The following GOLGA4 variants were observed in gnomAD, a reference collection of about 807,000 sequenced individuals.
GOLGA4 encodes golgin subfamily A member 4.
GOLGA4 carries 169 observed loss-of-function variants against 265.9 expected under a neutral mutation model. The ratio of observed to expected loss-of-function variants is 0.64; its 90% CI spans 0.56 to 0.72. The LOEUF (loss-of-function observed/expected upper bound fraction) is 0.72, where lower values mean the gene tolerates loss of function less well. Ranked by LOEUF, GOLGA4 falls within the 30% of genes least tolerant of loss-of-function variation. The pLI is 0.00. For synonymous variants in GOLGA4, 923 were observed against 855.8 expected (o/e 1.08, Z -1.37); for missense variants, 2,482 against 2,483.4 (o/e 1.00, Z 0.01).
chr3:37,329,040 G>A lies in GOLGA4; in HGVS notation c.6139G>A (p.Glu2047Lys). Residue 2047 changes from glutamate (E) to lysine (K), a missense_variant, in exon 16 of 24, where the codon GAG becomes AAG. By Grantham distance (56) the Glu-to-Lys change is moderately conservative (BLOSUM62 1). Coordinates refer to ENST00000361924, the MANE Select transcript of GOLGA4 (RefSeq NM_002078.5). ...ETNQLLKKIA[E>K]KDDDLKRTAK... ...AAATCAGTTACTTAAAAAAATTGCT[G>A]AGAAAGATGATGATCTAAAACGAAC... 5.6e-6 allele frequency: 9 copies of A among 1,611,414 alleles called. No homozygotes were observed. Among genetic ancestry groups the A allele is most frequent in the Non-Finnish European group, 7.6e-6 (9 of 1,178,672 alleles).
At chr3:37,296,265 G>A (rs1267464105) in intron 7 of GOLGA4, 46 bp downstream of exon 7, 1 of 1,593,526 alleles carries the variant, frequency 6.3e-7, no homozygotes, top group South Asian at 1.1e-5. Context: ...CTAGAGGAGA[G>A]CCAGGCTCCT....
chr3:37,268,481 C>A (rs1442245082), intron 2 of GOLGA4, among the ~76,000 whole-genome samples: 2 of 151,680 alleles, frequency 1.3e-5, no homozygotes, highest in Non-Finnish European at 2.9e-5. Context: ...TCTCCTAGGG[C>A]CACTTCCATA....
At chr3:37,266,858 T>C in intron 2 of GOLGA4, 1 of 1,283,714 alleles carries the variant, frequency 7.8e-7, no homozygotes, top group Non-Finnish European at 1.0e-6. Flanking sequence ...GCCGGGATGA[T>C]AGCAGAGCCT....
Position 37,243,704 on chromosome 3 carries a change from G to GA in GOLGA4, c.72+84dup, listed in dbSNP as rs3215223. Reference sequence around the variant, plus strand: ...GGACGAAAGAGGCGGGGGGAGTGGGGAAGTTCTTCCGTGACCTTTAACCCC... The same window carrying GA: ...GGACGAAAGAGGCGGGGGGAGTGGGGAAAGTTCTTCCGTGACCTTTAACCCC... On this transcript the variant is annotated intron_variant, in intron 1 of 23. Transcript: ENST00000361924. 2.3e-3 allele frequency: 2,719 copies of GA among 1,192,558 alleles called. 42 individuals carry two copies. The highest frequency in any genetic ancestry group is 3.9e-3 in the East Asian group (160 of 40,658). The allele number at this position is 1,192,558 out of a possible 1,614,324, so 73.9% of individuals were successfully genotyped here.
chr3:37,288,643 A>G (rs1559386196), intron 4 of GOLGA4, among the ~76,000 whole-genome samples: 1 of 150,458 alleles, frequency 6.6e-6, no homozygotes, highest in African/African-American at 2.4e-5. Flanking sequence ...CGCCTGGCTG[A>G]TTTTTTTTGT....
intron 16 of GOLGA4, among the ~76,000 whole-genome samples, chr3:37,332,229 T>G (rs1368147286): frequency 6.6e-6 from 1 of 152,272 alleles, no homozygotes; most frequent in East Asian, 1.9e-4. Flanking sequence ...TGTTCTTCAC[T>G]GTGTGTTTCC....
At chr3:37,313,889 T>C (rs2096929782) in intron 10 of GOLGA4, among the ~76,000 whole-genome samples, 1 of 152,130 alleles carries the variant, frequency 6.6e-6, no homozygotes, top group Admixed American at 6.5e-5. Flanking sequence ...TTTTGCACCA[T>C]TGTGAAGTTG....
Position 37,255,525 on chromosome 3 carries a change from T to G in GOLGA4, c.162+4041T>G, listed in dbSNP as rs1013583546. ...CAAACAAAGACAGATTTATTTGGGT[T>G]TATATACAGTATTTACCAACACAGG... On this transcript the variant is annotated intron_variant, in intron 2 of 23. Coordinates refer to ENST00000361924, the MANE Select transcript of GOLGA4 (RefSeq NM_002078.5). Among the ~76,000 whole-genome samples, 4 of 152,038 alleles carry G rather than the reference T, an allele frequency of 2.6e-5. No individual in the cohort carries two copies. The East Asian group carries it at 5.8e-4, about 22-fold the overall frequency.
At chr3:37,243,763 A>T (rs1254258626) in intron 1 of GOLGA4, 141 bp downstream of exon 1, 2 of 671,122 alleles carry the variant, frequency 3.0e-6, no homozygotes, top group Non-Finnish European at 5.1e-6. Context: ...CGGACCCAGA[A>T]GGAGCTCCGG....
chr3:37,358,583 C>T (rs2097096329), intron 22 of GOLGA4, among the ~76,000 whole-genome samples: 1 of 152,132 alleles, frequency 6.6e-6, no homozygotes, highest in Non-Finnish European at 1.5e-5. Context: ...ACAAGACTAA[C>T]ATAATCTTGT....
chr3:37,328,958 A>G lies in GOLGA4; in HGVS notation c.6062-5A>G, dbSNP rs1038242326. 2 of 1,570,820 alleles carry G rather than the reference A, an allele frequency of 1.3e-6. No homozygotes were observed. Among genetic ancestry groups the G allele is most frequent in the Non-Finnish European group, 1.7e-6 (2 of 1,165,340 alleles). On this transcript the variant is annotated splice_polypyrimidine_tract_variant and splice_region_variant and intron_variant, in intron 15 of 23. Coordinates refer to ENST00000361924, the MANE Select transcript of GOLGA4 (RefSeq NM_002078.5). ...TTCTTGTGTGTGTTCATTTTTATTT[A>G]TTAGATAAGGCCCAGGAGGTGGAGG...
intron 2 of GOLGA4, among the ~76,000 whole-genome samples, chr3:37,279,823 C>G (rs975091731): frequency 6.6e-6 from 1 of 151,876 alleles, no homozygotes; most frequent in Non-Finnish European, 1.5e-5. Flanking sequence ...ACGGGAATCA[C>G]TTGAACCCGG....
At chr3:37,290,793 G>A (rs1178593549) in intron 5 of GOLGA4, among the ~76,000 whole-genome samples, 1 of 152,162 alleles carries the variant, frequency 6.6e-6, no homozygotes, top group African/African-American at 2.4e-5. Flanking sequence ...CAACAAAGGG[G>A]TTGTAGGAAG....
intron 3 of GOLGA4, 57 bp downstream of exon 3, chr3:37,282,329 A>G: frequency 8.2e-7 from 1 of 1,215,152 alleles, no homozygotes; most frequent in Non-Finnish European, 1.2e-6. Flanking sequence ...TCTCTCATTC[A>G]TATTACTGTA....
At chr3:37,270,077 A>T (rs2096794223) in intron 2 of GOLGA4, among the ~76,000 whole-genome samples, 1 of 151,092 alleles carries the variant, frequency 6.6e-6, no homozygotes, top group African/African-American at 2.4e-5. Flanking sequence ...TATTTTTAGT[A>T]GAGATGGGGT....
At chr3:37,338,689 A>C (rs2097022531) in intron 19 of GOLGA4, among the ~76,000 whole-genome samples, 1 of 152,246 alleles carries the variant, frequency 6.6e-6, no homozygotes, top group South Asian at 2.1e-4. Context: ...CCAGTTCCAG[A>C]ATATTTCATC....
At chr3:37,306,891 T>G (rs2096907984) in intron 10 of GOLGA4, among the ~76,000 whole-genome samples, 1 of 152,178 alleles carries the variant, frequency 6.6e-6, no homozygotes, top group South Asian at 2.1e-4. Context: ...ATATAGCTTA[T>G]TAGATCTTTG....
At chr3:37,258,188 T>C (rs1187515806) in intron 2 of GOLGA4, among the ~76,000 whole-genome samples, 2 of 145,970 alleles carry the variant, frequency 1.4e-5, no homozygotes, top group African/African-American at 5.0e-5. Context: ...ATATATGCTC[T>C]GTATATGTAT....
Position 37,337,655 on chromosome 3 carries a change from TG to T in GOLGA4, c.6328-10del. ...TATGTGCATTTCAGATCTGACTTTT[TG>T]TTCTTTCAGACACAGCTAGCACAGA... On this transcript the variant is annotated splice_polypyrimidine_tract_variant and intron_variant, in intron 18 of 23. Coordinates refer to ENST00000361924, the MANE Select transcript of GOLGA4 (RefSeq NM_002078.5). The T allele has an allele frequency of 6.3e-7, 1 of 1,595,026 alleles. No individual in the cohort carries two copies. The highest frequency in any genetic ancestry group is 8.6e-7 in the Non-Finnish European group (1 of 1,162,592).
Sources: gnomAD v4.1 joint callset for allele counts (sites outside exome capture counted in the v4.1 genomes callset) on GRCh38, gnomAD v4.1.1 for gene constraint, MANE v1.5 for transcripts, NCBI Gene and HGNC (gene_info 2026-07-23, HGNC 2026-07-21) for gene names.